Variants in MINDY3 observed in about 807,000 individuals in gnomAD.
MINDY3 encodes the protein MINDY lysine 48 deubiquitinase 3.
A neutral mutation model predicts 69.2 loss-of-function variants in MINDY3; 38 were observed. The observed-to-expected ratio is 0.55, with a 90% CI of 0.42 to 0.72. The LOEUF (loss-of-function observed/expected upper bound fraction) is 0.72. MINDY3 is among the 30% of genes least tolerant of loss of function. The pLI is 0.00. For missense variants in MINDY3, 522 were observed against 519.0 expected, an observed-to-expected ratio of 1.01 and a Z score of -0.06; for synonymous variants, 192 against 180.1, an observed-to-expected ratio of 1.07 and a Z score of -0.53.
chr10:15,830,592 T>G (rs1437976329), intron 8 of MINDY3, among the ~76,000 whole-genome samples: 1 of 152,210 alleles, frequency 6.6e-6, no homozygotes, highest in African/African-American at 2.4e-5. Context: ...AATTCCACAG[T>G]ACACCTGAGA....
At chr10:15,781,026 T>A (rs948393455) in intron 14 of MINDY3, among the ~76,000 whole-genome samples, 13 of 152,128 alleles carry the variant, frequency 8.5e-5, no homozygotes, top group African/African-American at 3.1e-4. Flanking sequence ...GAATAATTAG[T>A]GATTATAAAG....
intron 10 of MINDY3, among the ~76,000 whole-genome samples, chr10:15,803,922 TTGTAATACTTAG>T (rs781654490): frequency 6.2e-4 from 94 of 152,252 alleles, no homozygotes; most frequent in Admixed American, 2.0e-3. Flanking sequence ...TCATCCCTAG[TTGTAATACTTAG>T]GAGAAAATTT....
chr10:15,783,242 G>T (rs1361591425), intron 13 of MINDY3, among the ~76,000 whole-genome samples: 1 of 152,132 alleles, frequency 6.6e-6, no homozygotes, highest in African/African-American at 2.4e-5. Flanking sequence ...CAATTCACCT[G>T]AGCTACTCCT....
rs1019649381 is a variant in MINDY3 at position 15,823,709 on chromosome 10, G to A, written c.731-1983C>T. Among the ~76,000 whole-genome samples the A allele has an allele frequency of 2.0e-5, 3 of 152,160 alleles. No homozygotes were observed. The East Asian group carries it at 5.8e-4, about 29-fold the overall frequency. On this transcript the variant is annotated intron_variant, in intron 8 of 14. Coordinates refer to ENST00000277632, the MANE Select transcript of MINDY3 (RefSeq NM_024948.4). ...GTACAATGCAATTTTCTTAAGCATA[G>A]TGATCTTACTCTGCTATCAAATATT...
intron 8 of MINDY3, among the ~76,000 whole-genome samples, chr10:15,824,634 C>G (rs576876975): frequency 6.6e-6 from 1 of 152,082 alleles, no homozygotes; most frequent in Non-Finnish European, 1.5e-5. Flanking sequence ...GTAAGCAACA[C>G]TAAATGTTTT....
chr10:15,830,109 G>C (rs116052275), intron 8 of MINDY3, among the ~76,000 whole-genome samples: 1 of 152,146 alleles, frequency 6.6e-6, no homozygotes, highest in African/African-American at 2.4e-5. Flanking sequence ...GTTGAATAAA[G>C]TAACATCAGA....
At chr10:15,791,931 G>A (rs1837452636) in intron 11 of MINDY3, among the ~76,000 whole-genome samples, 2 of 151,998 alleles carry the variant, frequency 1.3e-5, no homozygotes, top group Non-Finnish European at 2.9e-5. Context: ...TAGCTAAACT[G>A]GACACTGCAG....
At chr10:15,830,538 G>T (rs969832559) in intron 8 of MINDY3, among the ~76,000 whole-genome samples, 2 of 152,190 alleles carry the variant, frequency 1.3e-5, no homozygotes, top group Non-Finnish European at 2.9e-5. Context: ...AGTCTTGAGT[G>T]CTGTAATACA....
chr10:15,780,781 T>G (rs1398105575), intron 14 of MINDY3, among the ~76,000 whole-genome samples: 2 of 152,204 alleles, frequency 1.3e-5, no homozygotes, highest in East Asian at 3.8e-4. Context: ...TTCTAATCTT[T>G]TTGTTGGTGT....
At chr10:15,789,143 T>C (rs1837216099) in intron 12 of MINDY3, 104 bp downstream of exon 12, 2 of 712,180 alleles carry the variant, frequency 2.8e-6, no homozygotes, top group Admixed American at 2.2e-5. Context: ...CTATGCTTCA[T>C]ATATGCAGAT....
chr10:15,797,326 A>G (rs143547422), intron 10 of MINDY3, among the ~76,000 whole-genome samples: 120 of 152,194 alleles, frequency 7.9e-4, no homozygotes, highest in African/African-American at 2.6e-3. Context: ...ACCACTTGAC[A>G]TTTTTTAACA....
chr10:15,792,514 C>G (rs967703420), intron 11 of MINDY3, among the ~76,000 whole-genome samples: 6 of 151,964 alleles, frequency 3.9e-5, no homozygotes, highest in Non-Finnish European at 5.9e-5. Flanking sequence ...GAGGCCACAG[C>G]AAGGGCACAG....
chr10:15,802,378 C>A (rs570593528), intron 10 of MINDY3, among the ~76,000 whole-genome samples: 2 of 152,210 alleles, frequency 1.3e-5, no homozygotes, highest in East Asian at 1.9e-4. Context: ...TCATGCCAGA[C>A]AGCGAAGGAG....
intron 8 of MINDY3, among the ~76,000 whole-genome samples, chr10:15,822,335 T>TAC (rs147987726): frequency 1.8e-4 from 27 of 151,566 alleles, no homozygotes; most frequent in East Asian, 7.7e-4. Flanking sequence ...GGTCTCTCTG[T>TAC]ACACACACAC....
chr10:15,818,136 G>A (rs550530753), intron 9 of MINDY3: 1 of 152,282 alleles, frequency 6.6e-6, no homozygotes, highest in Admixed American at 6.5e-5. Context: ...AAATACACAG[G>A]ATCTGTGCCT....
At chr10:15,796,459 CTATAAAAATG>C (rs1837837141) in intron 10 of MINDY3, among the ~76,000 whole-genome samples, 1 of 148,368 alleles carries the variant, frequency 6.7e-6, no homozygotes, top group South Asian at 2.1e-4. Context: ...CAGGTAGTTA[CTATAAAAATG>C]TAGCATGAAA....
chr10:15,847,958 A>G lies in MINDY3; in HGVS notation c.95-15T>C, dbSNP rs201123093. 1.6e-3 allele frequency: 2,517 copies of G among 1,597,364 alleles called. 4 individuals are homozygous for G. Among genetic ancestry groups the G allele is most frequent in the Non-Finnish European group, 2.0e-3 (2,316 of 1,164,728 alleles). ...AAACACAAACCCTAAAAATGAAAGC[A>G]AGTAGGAAAGATTAAAAATATAATT... On this transcript the variant is annotated splice_polypyrimidine_tract_variant and intron_variant, in intron 1 of 14. Transcript: ENST00000277632.
intron 8 of MINDY3, among the ~76,000 whole-genome samples, chr10:15,831,239 T>C (rs1449552417): frequency 1.3e-5 from 2 of 152,186 alleles, no homozygotes; most frequent in African/African-American, 2.4e-5. Flanking sequence ...AGGATTAATT[T>C]AGAGTACGCC....
intron 10 of MINDY3, among the ~76,000 whole-genome samples, chr10:15,815,678 T>C (rs1327580608): frequency 6.6e-6 from 1 of 152,192 alleles, no homozygotes; most frequent in Non-Finnish European, 1.5e-5. Flanking sequence ...ATGATGATGA[T>C]GATGATGACG....
Sources: allele counts gnomAD v4.1 joint callset (sites outside exome capture counted in the v4.1 genomes callset), GRCh38; gene constraint gnomAD v4.1.1; transcripts MANE v1.5; gene names NCBI Gene and HGNC (gene_info 2026-07-23, HGNC 2026-07-21).